The following MUSK variants were observed in gnomAD, a reference collection of about 807,000 sequenced individuals.
The protein encoded by MUSK is muscle associated receptor tyrosine kinase.
In MUSK, 55 loss-of-function variants were observed where a neutral mutation model predicts 88.7. The ratio of observed to expected loss-of-function variants is 0.62; its 90% CI spans 0.50 to 0.78. The LOEUF (loss-of-function observed/expected upper bound fraction) is 0.78. Among genes scored for constraint, MUSK ranks in the 30% least tolerant of loss-of-function variants. MUSK has a pLI of 0.00. For synonymous variants in MUSK, 387 were observed against 391.9 expected (o/e 0.99, Z 0.15); for missense variants, 1,015 against 1,074.3 (o/e 0.94, Z 0.77).
intron 3 of MUSK, among the ~76,000 whole-genome samples, chr9:110,689,770 T>G (rs190376706): frequency 8.0e-5 from 6 of 75,090 alleles, no homozygotes; most frequent in Non-Finnish European, 1.4e-4. Flanking sequence ...ACTATATATA[T>G]CACATATAGT....
intron 1 of MUSK, among the ~76,000 whole-genome samples, chr9:110,669,457 T>C (rs986329901): frequency 1.3e-5 from 2 of 152,190 alleles, no homozygotes; most frequent in African/African-American, 4.8e-5. Flanking sequence ...AATATTTTAG[T>C]TGCTAAAAAT....
Position 110,800,329 on chromosome 9 carries a change from A to C in MUSK, c.1951A>C (p.Met651Leu), listed in dbSNP as rs199811263. The C allele has an allele frequency of 2.1e-4, 335 of 1,610,786 alleles. No homozygotes were observed. The highest frequency in any genetic ancestry group is 1.4e-4 in the Non-Finnish European group (169 of 1,177,440). ...AGGAGTGTGTGCTGTCGGGAAGCCA[A>C]TGTGCCTGCTCTTTGAATACATGGC... ...LLGVCAVGKP[M>L]CLLFEYMAYG... Residue 651 changes from methionine to leucine, a missense_variant, in exon 15 of 15, where the codon ATG becomes CTG. By Grantham distance (15) the Met-to-Leu change is conservative (BLOSUM62 2). Coordinates refer to ENST00000374448, the MANE Select transcript of MUSK (RefSeq NM_005592.4).
chr9:110,730,187 C>T (rs1156233499), intron 5 of MUSK, among the ~76,000 whole-genome samples: 1 of 146,282 alleles, frequency 6.8e-6, no homozygotes, highest in Non-Finnish European at 1.5e-5. Flanking sequence ...TGAGAGAAAA[C>T]CCAGAGTTAA....
chr9:110,742,701 G>A (rs2077118877), intron 6 of MUSK, among the ~76,000 whole-genome samples: 1 of 152,212 alleles, frequency 6.6e-6, no homozygotes, highest in African/African-American at 2.4e-5. Context: ...CATTCAACAT[G>A]TGACTCACAA....
In MUSK at chr9:110,761,990, T is replaced by A. The variant is rs1025128293; in HGVS notation, c.914-212T>A. ...TGACTCAGTTTGAAAAGAACCTGCT[T>A]CCTAAAGATACTCAATATTTTCTTC... On this transcript the variant is annotated intron_variant, in intron 7 of 14. Transcript: ENST00000374448. 3 of 927,308 alleles carry A rather than the reference T, an allele frequency of 3.2e-6. No homozygotes were observed. The East Asian group carries it at 3.5e-4, about 109-fold the overall frequency. The allele number at this position is 927,308 out of a possible 1,614,324, so 57.4% of individuals were successfully genotyped here.
intron 6 of MUSK, among the ~76,000 whole-genome samples, chr9:110,738,136 T>G (rs2077052038): frequency 6.6e-6 from 1 of 152,176 alleles, no homozygotes; most frequent in Non-Finnish European, 1.5e-5. Context: ...TTTCAGCTAC[T>G]TAGTTGATGT....
chr9:110,725,076 G>A (rs2076866345), intron 5 of MUSK, among the ~76,000 whole-genome samples: 1 of 151,910 alleles, frequency 6.6e-6, no homozygotes, highest in African/African-American at 2.4e-5. Context: ...TAACGCATTA[G>A]AAATTAATTG....
At chr9:110,785,400 C>A (rs754227138) in intron 12 of MUSK, 127 bp from the exon 13 acceptor site, 2 of 818,610 alleles carry the variant, frequency 2.4e-6, no homozygotes, top group Non-Finnish European at 3.7e-6. Context: ...AACGAAGGAT[C>A]TTTGGCTGCC....
intron 7 of MUSK, among the ~76,000 whole-genome samples, chr9:110,754,323 A>G (rs967723101): frequency 1.3e-5 from 2 of 152,228 alleles, no homozygotes; most frequent in Non-Finnish European, 2.9e-5. Context: ...TGACTTCTAG[A>G]TAATTTTAAA....
At chr9:110,671,035 G>T (rs1211487827) in intron 1 of MUSK, among the ~76,000 whole-genome samples, 1 of 151,982 alleles carries the variant, frequency 6.6e-6, no homozygotes, top group Non-Finnish European at 1.5e-5. Context: ...GCAGTGGTGT[G>T]ATCTCAGCTC....
chr9:110,685,213 A>G (rs140649318), intron 2 of MUSK, among the ~76,000 whole-genome samples: 170 of 152,256 alleles, frequency 1.1e-3, no homozygotes, highest in African/African-American at 3.9e-3. Flanking sequence ...ATATATTGAA[A>G]TAATCGTATG....
At chr9:110,749,468 G>A (rs185943989) in intron 7 of MUSK, among the ~76,000 whole-genome samples, 1 of 152,322 alleles carries the variant, frequency 6.6e-6, no homozygotes, top group African/African-American at 2.4e-5. Flanking sequence ...AGAGACAGCA[G>A]GGAGGTGGAA....
rs564010451 is a variant in MUSK at position 110,804,810 on chromosome 9, A to T, written c.*3822A>T. ...AATGAAAAAACACCAACCAGAGGTA[A>T]TTAACATTAACATCATAATATTCTT... On this transcript the variant is annotated 3_prime_UTR_variant, in exon 15 of 15. Coordinates refer to ENST00000374448, the MANE Select transcript of MUSK (RefSeq NM_005592.4). Among the ~76,000 whole-genome samples the T allele has an allele frequency of 1.2e-4, 18 of 152,126 alleles. 1 individual carries two copies. In the South Asian group the frequency reaches 3.7e-3, roughly 32 times the overall value.
intron 9 of MUSK, among the ~76,000 whole-genome samples, chr9:110,773,955 A>C (rs916006513): frequency 6.6e-5 from 10 of 152,170 alleles, no homozygotes; most frequent in African/African-American, 2.4e-4. Flanking sequence ...GTTTTCTTTC[A>C]TGTAATATAA....
chr9:110,726,076 G>T (rs1358545096), intron 5 of MUSK, among the ~76,000 whole-genome samples: 1 of 151,944 alleles, frequency 6.6e-6, no homozygotes, highest in Admixed American at 6.6e-5. Flanking sequence ...CCTCAATTGT[G>T]TGTGCATGCA....
intron 13 of MUSK, 139 bp from the exon 14 acceptor site, chr9:110,787,551 T>A: frequency 1.4e-6 from 1 of 694,222 alleles, no homozygotes. Flanking sequence ...TCTTTGATTC[T>A]GTGGCTCTGG....
chr9:110,700,502 A>C (rs943377197), intron 5 of MUSK, among the ~76,000 whole-genome samples: 2 of 152,116 alleles, frequency 1.3e-5, no homozygotes, highest in African/African-American at 4.8e-5. Context: ...AATAGACAGG[A>C]GGTATTGACA....
Position 110,704,724 on chromosome 9 carries a change from G to A in MUSK, c.628+7258G>A, listed in dbSNP as rs111338596. Among the ~76,000 whole-genome samples the A allele has an allele frequency of 7.7e-3, 1,171 of 151,568 alleles. 23 individuals are homozygous for A. The highest frequency in any genetic ancestry group is 0.027 in the African/African-American group (1,118 of 41,310). ...GGGGGGTCCCGGCACGATGGCTCAC[G>A]CCTATAATCCCAGCACTTTGGGAGG... is the stretch of plus-strand genomic sequence containing the variant. On this transcript the variant is annotated intron_variant, in intron 5 of 14. Coordinates refer to ENST00000374448, the MANE Select transcript of MUSK (RefSeq NM_005592.4).
chr9:110,695,412 T>C lies in MUSK; in HGVS notation c.368T>C (p.Ile123Thr). 1 of 1,510,494 alleles carries C rather than the reference T, an allele frequency of 6.6e-7. No individual in the cohort carries two copies. The highest frequency in any genetic ancestry group is 9.0e-7 in the Non-Finnish European group (1 of 1,115,640). 93.6% of individuals were successfully genotyped at this position (1,510,494 alleles called of 1,614,324 possible). The part of the protein sequence containing the change: ...GALQVKMKPK[I>T]TRPPINVKII... Reference sequence around the variant, plus strand: ...TTTCATTTCTTTTTAGAACCTAAAATAACTCGTCCTCCCATAAATGTGAAA... The same window carrying C: ...TTTCATTTCTTTTTAGAACCTAAAACAACTCGTCCTCCCATAAATGTGAAA... Residue 123 changes from isoleucine (I) to threonine (T), a missense_variant, in exon 4 of 15, where the codon ATA (isoleucine) becomes ACA (threonine). Transcript: ENST00000374448.
Sources: gnomAD v4.1 joint callset for allele counts (sites outside exome capture counted in the v4.1 genomes callset) on GRCh38, gnomAD v4.1.1 for gene constraint, MANE v1.5 for transcripts, NCBI Gene and HGNC (gene_info 2026-07-23, HGNC 2026-07-21) for gene names.